Variants in C8orf34 observed in about 807,000 individuals in gnomAD.
The protein encoded by C8orf34 is uncharacterized protein C8orf34.
A neutral mutation model predicts 68.3 loss-of-function variants in C8orf34; 65 were observed. The ratio of observed to expected loss-of-function variants is 0.95; its 90% CI spans 0.78 to 1.17. The LOEUF (loss-of-function observed/expected upper bound fraction) is 1.17. Ranked by LOEUF, C8orf34 falls within the 50% of genes most tolerant of loss-of-function variation. C8orf34 has a pLI of 0.00. For missense variants in C8orf34, 664 were observed against 655.4 expected (o/e 1.01, Z -0.14); for synonymous variants, 244 against 241.2 (o/e 1.01, Z -0.11).
At chr8:68,402,592 G>A (rs1480757319) in intron 1 of C8orf34, among the ~76,000 whole-genome samples, 3 of 152,010 alleles carry the variant, frequency 2.0e-5, no homozygotes, top group Admixed American at 6.6e-5. Flanking sequence ...CACGGCTTTT[G>A]TTATATTGCA....
At chr8:68,481,232 T>C (rs1044123128) in intron 4 of C8orf34, among the ~76,000 whole-genome samples, 11 of 152,252 alleles carry the variant, frequency 7.2e-5, no homozygotes, top group African/African-American at 2.7e-4. Flanking sequence ...GTGTTGAGCC[T>C]GCACGTGCAC....
intron 1 of C8orf34, among the ~76,000 whole-genome samples, chr8:68,408,312 A>T (rs1251588059): frequency 6.6e-6 from 1 of 151,576 alleles, no homozygotes; most frequent in Non-Finnish European, 1.5e-5. Context: ...TTGTATAATT[A>T]TTGTATTATA....
chr8:68,436,839 C>G (rs914867996), intron 1 of C8orf34, among the ~76,000 whole-genome samples: 12 of 152,160 alleles, frequency 7.9e-5, no homozygotes, highest in African/African-American at 2.7e-4. Context: ...CTCTGCGGCT[C>G]TAATTTCTAG....
chr8:68,629,685 A>G (rs1818633473), intron 7 of C8orf34, among the ~76,000 whole-genome samples: 1 of 152,176 alleles, frequency 6.6e-6, no homozygotes, highest in African/African-American at 2.4e-5. Flanking sequence ...TATAATAATA[A>G]ATGAGAAAGA....
chr8:68,715,751 G>C (rs923413552), intron 9 of C8orf34, among the ~76,000 whole-genome samples: 5 of 152,052 alleles, frequency 3.3e-5, no homozygotes, highest in African/African-American at 1.2e-4. Context: ...CTGGAAAACA[G>C]TGTGGAGATT....
chr8:68,445,381 A>C (rs1811078728), intron 2 of C8orf34, among the ~76,000 whole-genome samples: 1 of 152,200 alleles, frequency 6.6e-6, no homozygotes, highest in Non-Finnish European at 1.5e-5. Context: ...AGAGGAATGG[A>C]AGATGAAGAA....
At chr8:68,367,847 T>A (rs530086734) in intron 1 of C8orf34, among the ~76,000 whole-genome samples, 149 of 119,728 alleles carry the variant, frequency 1.2e-3, no homozygotes, top group Non-Finnish European at 2.0e-3. Context: ...CATGTATACA[T>A]ATGTAACTAA....
At chr8:68,801,180 G>A (rs573179650) in intron 12 of C8orf34, among the ~76,000 whole-genome samples, 64 of 152,190 alleles carry the variant, frequency 4.2e-4, no homozygotes, top group Non-Finnish European at 8.4e-4. Flanking sequence ...TGTTTAAGAA[G>A]AAGAGACTAT....
intron 1 of C8orf34, among the ~76,000 whole-genome samples, chr8:68,377,630 AT>A (rs147662318): frequency 0.041 from 6,257 of 152,272 alleles, 391 homozygotes; most frequent in African/African-American, 0.14. Context: ...TTAGGAAACA[AT>A]TCACATGACC....
intron 1 of C8orf34, among the ~76,000 whole-genome samples, chr8:68,408,379 T>C (rs760354500): frequency 1.6e-4 from 24 of 151,942 alleles, no homozygotes; most frequent in Non-Finnish European, 2.9e-4. Context: ...TGCTCTTGAA[T>C]CATCCTGAAA....
chr8:68,464,487 G>A (rs376172198), intron 3 of C8orf34, among the ~76,000 whole-genome samples: 16,515 of 151,320 alleles, frequency 0.11, 980 homozygotes, highest in African/African-American at 0.14. Flanking sequence ...AGCCCGCATC[G>A]CCAAGTCAAT....
In C8orf34 at chr8:68,748,830, A is replaced by G. The variant is rs1165498874; in HGVS notation, c.1404+27393A>G. 3.8e-3 allele frequency among the ~76,000 whole-genome samples: 574 copies of G among 151,750 alleles called. 5 individuals carry two copies. Among genetic ancestry groups the G allele is most frequent in the African/African-American group, 0.012 (473 of 41,054 alleles). ...AAACCATTGTGGAAGTCAGTGTGGCAATTCCTCAGGGATCTAGAACTAGAA... is the reference window on the plus strand; with the variant it reads ...AAACCATTGTGGAAGTCAGTGTGGCGATTCCTCAGGGATCTAGAACTAGAA... On this transcript the variant is annotated intron_variant, in intron 10 of 13. Coordinates refer to ENST00000518698, the MANE Select transcript of C8orf34 (RefSeq NM_052958.4).
intron 1 of C8orf34, among the ~76,000 whole-genome samples, chr8:68,359,256 T>C (rs140446746): frequency 2.4e-4 from 37 of 152,320 alleles, no homozygotes; most frequent in African/African-American, 8.7e-4. Context: ...ATTTTTTATG[T>C]AACGTACTGT....
chr8:68,750,896 C>T (rs1822685975), intron 10 of C8orf34, among the ~76,000 whole-genome samples: 1 of 152,074 alleles, frequency 6.6e-6, no homozygotes, highest in African/African-American at 2.4e-5. Context: ...GACTAGGAAA[C>T]ACAAGCTCTA....
At position 68,444,055 on chromosome 8, in the gene C8orf34, C is replaced by T. The variant is rs75742883; in HGVS notation, c.476-2274C>T. On this transcript the variant is annotated intron_variant, in intron 2 of 13. Coordinates refer to ENST00000518698, the MANE Select transcript of C8orf34 (RefSeq NM_052958.4). ...CTTATTTACTGTTCTCTGTTTTTCT[C>T]ATTTCATTTGGCATTGTGTTTGCTT... 6.9e-3 allele frequency among the ~76,000 whole-genome samples: 1,042 copies of T among 152,096 alleles called. 5 individuals are homozygous for T. Among genetic ancestry groups the T allele is most frequent in the South Asian group, 0.013 (64 of 4,824 alleles).
At chr8:68,813,371 T>G (rs892112392) in intron 12 of C8orf34, among the ~76,000 whole-genome samples, 2 of 148,308 alleles carry the variant, frequency 1.3e-5, no homozygotes, top group Non-Finnish European at 3.0e-5. Context: ...ATAATTCTGT[T>G]TTTTTTTTTT....
At chr8:68,341,763 C>T (rs578114937) in intron 1 of C8orf34, among the ~76,000 whole-genome samples, 249 of 152,270 alleles carry the variant, frequency 1.6e-3, no homozygotes, top group African/African-American at 5.7e-3. Flanking sequence ...TCCCTGAGGC[C>T]GTCCCAGAAG....
chr8:68,603,220 TTGC>T (rs928043767), intron 7 of C8orf34, among the ~76,000 whole-genome samples: 7 of 152,092 alleles, frequency 4.6e-5, no homozygotes, highest in African/African-American at 1.7e-4. Context: ...AAAACTCTCA[TTGC>T]TGCTGAAAGT....
chr8:68,724,315 A>G (rs1458934243), intron 10 of C8orf34, among the ~76,000 whole-genome samples: 2 of 152,314 alleles, frequency 1.3e-5, no homozygotes, highest in Middle Eastern at 3.4e-3. Flanking sequence ...GAAATACAAA[A>G]TACTTCAAAG....
Sources: gnomAD v4.1 joint callset for allele counts (sites outside exome capture counted in the v4.1 genomes callset) on GRCh38, gnomAD v4.1.1 for gene constraint, MANE v1.5 for transcripts, NCBI Gene and HGNC (gene_info 2026-07-23, HGNC 2026-07-21) for gene names.